CRB1: variants seen among roughly 807,000 people sequenced by gnomAD.
CRB1 encodes protein crumbs homolog 1.
Under a neutral mutation model 120.0 loss-of-function variants are expected in CRB1, and 83 were observed. That is an observed-to-expected ratio of 0.69 (90% confidence interval 0.58 to 0.83). The LOEUF (loss-of-function observed/expected upper bound fraction) is 0.83. CRB1 is among the 40% of genes least tolerant of loss of function. The pLI is 0.00. For synonymous variants in CRB1, 625 were observed against 612.5 expected (o/e 1.02, Z -0.30); for missense variants, 1,699 against 1,687.6 (o/e 1.01, Z -0.12).
chr1:197,384,733 G>A (rs924677509), intron 5 of CRB1, among the ~76,000 whole-genome samples: 1 of 151,966 alleles, frequency 6.6e-6, no homozygotes, highest in Non-Finnish European at 1.5e-5. Flanking sequence ...ATTCCCCAAA[G>A]CATTTCCCAC....
At chr1:197,212,635 A>C in the CRB1 span, among the ~76,000 whole-genome samples, 37 of 152,270 alleles carry the variant, frequency 2.4e-4, no homozygotes, top group African/African-American at 8.7e-4. Context: ...TAAATTACAA[A>C]AGGGCACAAG....
intron 2 of CRB1, among the ~76,000 whole-genome samples, chr1:197,334,496 G>C (rs1474754911): frequency 1.3e-5 from 2 of 152,108 alleles, no homozygotes; most frequent in South Asian, 4.1e-4. Flanking sequence ...TTTTTGGAGT[G>C]GGTTCACCCC....
At chr1:197,353,136 G>A (rs1660201509) in intron 4 of CRB1, among the ~76,000 whole-genome samples, 1 of 152,134 alleles carries the variant, frequency 6.6e-6, no homozygotes, top group Admixed American at 6.5e-5. Flanking sequence ...GAAAAGAATT[G>A]GGTGGCATGA....
At chr1:197,314,985 A>G (rs1657757871) in intron 1 of CRB1, among the ~76,000 whole-genome samples, 1 of 152,066 alleles carries the variant, frequency 6.6e-6, no homozygotes, top group Non-Finnish European at 1.5e-5. Context: ...TCTGCTGCCT[A>G]TGACTCTGAC....
chr1:197,229,888 G>T, the CRB1 span, among the ~76,000 whole-genome samples: 3 of 152,148 alleles, frequency 2.0e-5, no homozygotes, highest in Admixed American at 2.0e-4. Flanking sequence ...CTTCGCTCTT[G>T]ATTAGAAGAT....
intron 11 of CRB1, among the ~76,000 whole-genome samples, chr1:197,459,697 A>G (rs1218935028): frequency 6.6e-6 from 1 of 152,150 alleles, no homozygotes; most frequent in Non-Finnish European, 1.5e-5. Context: ...AGGATCTTAC[A>G]CCAAAATGGT....
At chr1:197,344,604 T>A in intron 3 of CRB1, 128 bp downstream of exon 3, 1 of 821,822 alleles carries the variant, frequency 1.2e-6, no homozygotes, top group Non-Finnish European at 2.1e-6. Context: ...ATACTTTAAC[T>A]GATGAAAACA....
At chr1:197,433,952 G>A (rs1378649455) in intron 8 of CRB1, among the ~76,000 whole-genome samples, 8 of 152,084 alleles carry the variant, frequency 5.3e-5, no homozygotes, top group Non-Finnish European at 1.2e-4. Context: ...GAGATCATAA[G>A]CTGAGACAGA....
At chr1:197,249,103 C>A in the CRB1 span, among the ~76,000 whole-genome samples, 2 of 151,770 alleles carry the variant, frequency 1.3e-5, no homozygotes, top group East Asian at 1.9e-4. Context: ...TAATCATATA[C>A]CTTTTTGTAA....
At chr1:197,387,765 CA>C (rs1380147635) in intron 5 of CRB1, among the ~76,000 whole-genome samples, 2 of 150,812 alleles carry the variant, frequency 1.3e-5, no homozygotes, top group African/African-American at 4.9e-5. Context: ...GTTTTTACTA[CA>C]AAAAGAATAC....
At chr1:197,393,674 A>C (rs1047345707) in intron 5 of CRB1, among the ~76,000 whole-genome samples, 1 of 152,166 alleles carries the variant, frequency 6.6e-6, no homozygotes, top group East Asian at 1.9e-4. Context: ...TCAAACTAAT[A>C]CTATAGACCA....
chr1:197,328,864 C>G lies in CRB1; in HGVS notation c.513C>G (p.Ser171=). The G allele has an allele frequency of 6.2e-7, 1 of 1,614,180 alleles. No homozygotes were observed. Among genetic ancestry groups the G allele is most frequent in the Non-Finnish European group, 8.5e-7 (1 of 1,180,022 alleles). The part of the protein sequence containing the change: ...AVCQDGIDGY[S]CFCVPGYQGR... Reference sequence around the variant, plus strand: ...GCCAGGATGGAATTGATGGTTACTCCTGCTTCTGTGTCCCAGGATATCAAG... The same window carrying G: ...GCCAGGATGGAATTGATGGTTACTCGTGCTTCTGTGTCCCAGGATATCAAG... The change falls in exon 2 of 12, where the codon TCC becomes TCG. Residue 171 remains serine (S), a synonymous_variant. Transcript: ENST00000367400.
At chr1:197,401,120 G>A (rs1033883271) in intron 5 of CRB1, among the ~76,000 whole-genome samples, 1 of 151,976 alleles carries the variant, frequency 6.6e-6, no homozygotes, top group Non-Finnish European at 1.5e-5. Flanking sequence ...CTGTGTTTAA[G>A]CATATATATA....
intron 4 of CRB1, among the ~76,000 whole-genome samples, chr1:197,354,670 T>A (rs1243924222): frequency 6.6e-6 from 1 of 152,036 alleles, no homozygotes; most frequent in Non-Finnish European, 1.5e-5. Flanking sequence ...CTACAGCTCA[T>A]AAAGTCAGTG....
At chr1:197,376,450 A>T (rs1191397981) in intron 5 of CRB1, among the ~76,000 whole-genome samples, 1 of 152,202 alleles carries the variant, frequency 6.6e-6, no homozygotes, top group Non-Finnish European at 1.5e-5. Context: ...ACAAAACGAC[A>T]AAAACACTTC....
At chr1:197,359,339 TA>T (rs1388693784) in intron 5 of CRB1, among the ~76,000 whole-genome samples, 1 of 151,486 alleles carries the variant, frequency 6.6e-6, no homozygotes, top group African/African-American at 2.5e-5. Flanking sequence ...TGTAAAGTTT[TA>T]GAATAAGAGT....
chr1:197,250,972 C>T, the CRB1 span, among the ~76,000 whole-genome samples: 39 of 152,062 alleles, frequency 2.6e-4, no homozygotes, highest in East Asian at 7.2e-3. Context: ...CTTGGTAGTC[C>T]TTACTTTATA....
At chr1:197,224,960 A>G in the CRB1 span, among the ~76,000 whole-genome samples, 1 of 152,314 alleles carries the variant, frequency 6.6e-6, no homozygotes, top group East Asian at 1.9e-4. Flanking sequence ...CTTGAGATAT[A>G]ATACTAATGA....
At position 197,429,506 on chromosome 1, in the gene CRB1, T is replaced by TCCTGTCCTGCC. The variant is rs1411531159; in HGVS notation, c.2736_2746dup (p.Leu916ProfsTer76). ...TTCCCGGTGGGATGACTTCTCCTGT[T>TCCTGTCCTGCC]CCTGTCCTGCCCTCACAAGTGGGAA... is the stretch of plus-strand genomic sequence containing the variant. On this transcript the variant is annotated frameshift_variant, in exon 8 of 12. Coordinates refer to ENST00000367400, the MANE Select transcript of CRB1 (RefSeq NM_201253.3). LOFTEE classifies it high-confidence loss of function. 6.2e-7 allele frequency: 1 copy of TCCTGTCCTGCC among 1,614,070 alleles called. No homozygotes were observed. The highest frequency in any genetic ancestry group is 2.2e-5 in the East Asian group (1 of 44,876).
Sources: allele counts gnomAD v4.1 joint callset (sites outside exome capture counted in the v4.1 genomes callset), GRCh38; gene constraint gnomAD v4.1.1; transcripts MANE v1.5; gene names NCBI Gene and HGNC (gene_info 2026-07-23, HGNC 2026-07-21).